Variants in ANK1 observed in about 807,000 individuals in gnomAD.
ANK1 encodes the protein ankyrin 1.
In ANK1, 51 loss-of-function variants were observed where a neutral mutation model predicts 210.4. That is an observed-to-expected ratio of 0.24 (90% CI 0.19 to 0.31). The LOEUF (loss-of-function observed/expected upper bound fraction) is 0.31. ANK1 is among the 10% of genes least tolerant of loss of function. The pLI is 1.00. For missense variants in ANK1, 2,051 were observed against 2,504.4 expected (o/e 0.82, Z 3.86); for synonymous variants, 967 against 1,025.9 (o/e 0.94, Z 1.10).
intron 1 of ANK1, among the ~76,000 whole-genome samples, chr8:41,854,478 T>C (rs2150813819): frequency 6.6e-6 from 1 of 152,308 alleles, no homozygotes; most frequent in East Asian, 1.9e-4. Flanking sequence ...ATATCTGAGA[T>C]GTGCCTTCTG....
At chr8:41,856,690 T>G (rs1261115232) in intron 1 of ANK1, among the ~76,000 whole-genome samples, 1 of 152,124 alleles carries the variant, frequency 6.6e-6, no homozygotes, top group Non-Finnish European at 1.5e-5. Flanking sequence ...CAATGTTCAT[T>G]GGAGCATTTC....
At chr8:41,658,158 C>T (rs146792560) in intron 42 of ANK1, among the ~76,000 whole-genome samples, 27 of 152,336 alleles carry the variant, frequency 1.8e-4, no homozygotes, top group African/African-American at 6.5e-4. Flanking sequence ...GCATGAGTCA[C>T]TATGCCCGGC....
chr8:41,718,259 G>A lies in ANK1; in HGVS notation c.1108-55C>T, dbSNP rs991642548. On this transcript the variant is annotated intron_variant, in intron 10 of 42. Transcript: ENST00000289734. ...GCAGGAGCTTACACACGGGCCCAAGGAACGCCCAGAAGACCACCTGGCTGC... is the reference window on the plus strand; with the variant it reads ...GCAGGAGCTTACACACGGGCCCAAGAAACGCCCAGAAGACCACCTGGCTGC... 37 of 1,572,646 alleles carry A rather than the reference G, an allele frequency of 2.4e-5. 1 individual carries two copies. The African/African-American group carries it at 3.6e-4, about 15-fold the overall frequency.
intron 1 of ANK1, among the ~76,000 whole-genome samples, chr8:41,790,444 G>A (rs1847416961): frequency 6.6e-6 from 1 of 152,094 alleles, no homozygotes; most frequent in African/African-American, 2.4e-5. Flanking sequence ...ACCACACCCG[G>A]CCTGGGAAGG....
intron 1 of ANK1, among the ~76,000 whole-genome samples, chr8:41,861,933 G>A (rs1323527228): frequency 4.6e-5 from 7 of 152,110 alleles, no homozygotes; most frequent in Admixed American, 2.0e-4. Context: ...CCTCTTGCAC[G>A]CTCCTGCCTT....
intron 2 of ANK1, among the ~76,000 whole-genome samples, chr8:41,739,325 T>C (rs55865526): frequency 0.011 from 1,715 of 152,294 alleles, 12 homozygotes; most frequent in East Asian, 0.027. Flanking sequence ...CTTTTTCTTA[T>C]AGTTTTCATC....
At chr8:41,678,314 A>AT (rs759703128) in intron 37 of ANK1, among the ~76,000 whole-genome samples, 6 of 151,374 alleles carry the variant, frequency 4.0e-5, no homozygotes, top group South Asian at 2.1e-4. Flanking sequence ...AACTTTTGTA[A>AT]TTTTTTTAGT....
chr8:41,716,839 A>G, intron 13 of ANK1, 114 bp downstream of exon 13: 1 of 1,089,112 alleles, frequency 9.2e-7, no homozygotes, highest in Admixed American at 1.7e-5. Flanking sequence ...TCAGGATGAA[A>G]AGTGATCCCC....
At chr8:41,860,971 A>G (rs893919574) in intron 1 of ANK1, among the ~76,000 whole-genome samples, 1 of 152,220 alleles carries the variant, frequency 6.6e-6, no homozygotes, top group Non-Finnish European at 1.5e-5. Context: ...TGCCATTTTA[A>G]CAACCTCGGA....
At chr8:41,743,157 A>T (rs2150688321) in intron 2 of ANK1, among the ~76,000 whole-genome samples, 1 of 152,270 alleles carries the variant, frequency 6.6e-6, no homozygotes, top group Non-Finnish European at 1.5e-5. Context: ...CCTGCAGCAG[A>T]GTAGGAGAGA....
intron 1 of ANK1, among the ~76,000 whole-genome samples, chr8:41,812,697 G>A (rs1802677821): frequency 1.3e-5 from 2 of 152,210 alleles, no homozygotes; most frequent in Non-Finnish European, 2.9e-5. Context: ...GACCAGTTTT[G>A]TGGAAGACAG....
chr8:41,761,932 C>A (rs1840570380), intron 1 of ANK1, among the ~76,000 whole-genome samples: 1 of 152,064 alleles, frequency 6.6e-6, no homozygotes. Context: ...GCTCTGCCTC[C>A]CAGCCAACCT....
intron 1 of ANK1, among the ~76,000 whole-genome samples, chr8:41,794,412 G>A (rs1207496758): frequency 2.0e-5 from 3 of 152,026 alleles, no homozygotes; most frequent in Non-Finnish European, 2.9e-5. Context: ...TTATCCAATG[G>A]CACCTCAATG....
At chr8:41,894,603 G>C (rs140674081) in intron 1 of ANK1, among the ~76,000 whole-genome samples, 26 of 152,206 alleles carry the variant, frequency 1.7e-4, no homozygotes, top group Non-Finnish European at 2.2e-4. Flanking sequence ...ATATGGTGTC[G>C]GGAGTGTCAA....
intron 15 of ANK1, 44 bp from the exon 16 acceptor site, chr8:41,714,298 G>T: frequency 4.0e-6 from 6 of 1,481,810 alleles, no homozygotes; most frequent in Admixed American, 2.0e-5. Context: ...CACTCCCACG[G>T]ACTTTCTCCC....
intron 1 of ANK1, among the ~76,000 whole-genome samples, chr8:41,853,008 A>G (rs1386536798): frequency 6.6e-6 from 1 of 152,242 alleles, no homozygotes. Flanking sequence ...AGCAGACTCA[A>G]AATACAAAAA....
intron 24 of ANK1, 88 bp from the exon 25 acceptor site, chr8:41,696,861 G>T: frequency 7.7e-7 from 1 of 1,295,184 alleles, no homozygotes; most frequent in East Asian, 2.5e-5. Context: ...GAAGAACCTT[G>T]CCGCTAGAAA....
At chr8:41,724,199 T>C (rs1039720338) in intron 7 of ANK1, among the ~76,000 whole-genome samples, 1 of 152,190 alleles carries the variant, frequency 6.6e-6, no homozygotes, top group African/African-American at 2.4e-5. Context: ...AAGTCAGTTA[T>C]ATGGAAATCA....
At chr8:41,828,980 C>T (rs558664636) in intron 1 of ANK1, 2 of 152,400 alleles carry the variant, frequency 1.3e-5, no homozygotes, top group South Asian at 4.1e-4. Flanking sequence ...CCCCTGGCGC[C>T]CTCTAGGCCA....
Sources: gnomAD v4.1 joint callset for allele counts (sites outside exome capture counted in the v4.1 genomes callset) on GRCh38, gnomAD v4.1.1 for gene constraint, MANE v1.5 for transcripts, NCBI Gene and HGNC (gene_info 2026-07-23, HGNC 2026-07-21) for gene names.